The following SMAD3 variants were observed in gnomAD, a reference collection of about 807,000 sequenced individuals.
SMAD3 encodes the protein SMAD family member 3.
SMAD3 carries 12 observed loss-of-function variants against 51.8 expected under a neutral mutation model. The ratio of observed to expected loss-of-function variants is 0.23; its 90% CI spans 0.15 to 0.38. The LOEUF is 0.38. SMAD3 is among the 10% of genes least tolerant of loss of function. The pLI is 1.00. For missense variants in SMAD3, 294 were observed against 565.6 expected, an observed-to-expected ratio of 0.52 and a Z score of 4.87; for synonymous variants, 238 against 227.7, an observed-to-expected ratio of 1.05 and a Z score of -0.41.
rs750756638 is a variant in SMAD3 at position 67,184,789 on chromosome 15, G to A, written c.934G>A (p.Ala312Thr). The A allele has an allele frequency of 6.2e-7, 1 of 1,613,922 alleles. No individual in the cohort carries two copies. Among genetic ancestry groups the A allele is most frequent in the African/African-American group, 1.3e-5 (1 of 75,044 alleles). The change falls in exon 7 of 9, where the codon GCT becomes ACT. Residue 312 changes from alanine to threonine, a missense_variant. By Grantham distance (58) the Ala-to-Thr change is moderately conservative. Coordinates refer to ENST00000327367, the MANE Select transcript of SMAD3 (RefSeq NM_005902.4). Reference sequence around the variant, plus strand: ...CTTCGCAGAGTGCCTCAGTGACAGCGCTATTTTTGTCCAGTCTCCCAACTG... The same window carrying A: ...CTTCGCAGAGTGCCTCAGTGACAGCACTATTTTTGTCCAGTCTCCCAACTG... ...EVFAECLSDS[A>T]IFVQSPNCNQ...
intron 1 of SMAD3, among the ~76,000 whole-genome samples, chr15:67,086,799 T>C (rs1226324576): frequency 6.6e-6 from 1 of 151,914 alleles, no homozygotes; most frequent in Non-Finnish European, 1.5e-5. Context: ...AGACAGAGCA[T>C]GGAGAGTGGA....
In SMAD3 at chr15:67,113,166, C is replaced by T. The variant is rs1388825782; in HGVS notation, c.206+46806C>T. Among the ~76,000 whole-genome samples the T allele has an allele frequency of 3.2e-5, 4 of 124,222 alleles. 1 individual carries two copies. Among genetic ancestry groups the T allele is most frequent in the African/African-American group, 1.3e-4 (4 of 31,244 alleles). 81.5% of individuals were successfully genotyped at this position (124,222 alleles called of 152,430 possible). A position where few individuals can be genotyped will look rare whatever the true frequency, so the allele number is the denominator to read the frequency against. ...TAGTGCGATCTTGGCTCACTGCAAACTCTGCCTCCCGGGTTCACGTCATTC... is the reference window on the plus strand; with the variant it reads ...TAGTGCGATCTTGGCTCACTGCAAATTCTGCCTCCCGGGTTCACGTCATTC... On this transcript the variant is annotated intron_variant, in intron 1 of 8. Transcript: ENST00000327367.
intron 1 of SMAD3, among the ~76,000 whole-genome samples, chr15:67,143,740 G>GT (rs1379141173): frequency 2.6e-5 from 4 of 151,980 alleles, no homozygotes; most frequent in Admixed American, 6.5e-5. Flanking sequence ...AGCCTAGGGA[G>GT]TTTTTTTGTT....
At chr15:67,073,197 C>G (rs1167758560) in intron 1 of SMAD3, among the ~76,000 whole-genome samples, 1 of 152,200 alleles carries the variant, frequency 6.6e-6, no homozygotes, top group Non-Finnish European at 1.5e-5. Flanking sequence ...TTCTCTTTCT[C>G]TCTGTATAAC....
In SMAD3 at chr15:67,112,658, A is replaced by C. The variant is rs900602325; in HGVS notation, c.206+46298A>C. On this transcript the variant is annotated intron_variant, in intron 1 of 8. Transcript: ENST00000327367. The stretch of plus-strand genomic sequence containing the variant: ...AAAGTTTTTAATTCTGATGAAGCTA[A>C]ATTTGTTTTACTTTCGTCACTTTTG... 3.8e-5 allele frequency among the ~76,000 whole-genome samples: 5 copies of C among 133,162 alleles called. 1 individual carries two copies. Among genetic ancestry groups the C allele is most frequent in the African/African-American group, 6.0e-5 (2 of 33,556 alleles). The allele number at this position is 133,162 out of a possible 152,430, so 87.4% of individuals were successfully genotyped here. A position where few individuals can be genotyped will look rare whatever the true frequency, so the allele number is the denominator to read the frequency against.
intron 5 of SMAD3, 52 bp from the exon 6 acceptor site, chr15:67,181,189 A>G (rs1183275237): frequency 2.2e-6 from 3 of 1,383,112 alleles, no homozygotes; most frequent in Non-Finnish European, 2.0e-6. Context: ...CCATCGAGGG[A>G]GCATGGGGCT....
chr15:67,096,589 A>C (rs948205679), intron 1 of SMAD3, among the ~76,000 whole-genome samples: 2 of 152,194 alleles, frequency 1.3e-5, no homozygotes, highest in African/African-American at 4.8e-5. Context: ...ATCAAGAGAG[A>C]GACTGTGGAG....
At position 67,187,253 on chromosome 15, in the gene SMAD3, G is replaced by T. The variant is rs1424178249; in HGVS notation, c.1010-112G>T. 4.0e-6 allele frequency: 5 copies of T among 1,251,806 alleles called. No homozygotes were observed. In the Admixed American group the frequency reaches 8.4e-5, roughly 21 times the overall value. 77.5% of individuals were successfully genotyped at this position (1,251,806 alleles called of 1,614,324 possible). ...ATGCATCACACACCATGTGTCCCTG[G>T]AGCTGTATAAATGAGGCTGGTCTAG... On this transcript the variant is annotated intron_variant, in intron 7 of 8. Transcript: ENST00000327367.
intron 1 of SMAD3, among the ~76,000 whole-genome samples, chr15:67,095,983 G>A (rs573622166): frequency 4.6e-5 from 7 of 152,336 alleles, no homozygotes; most frequent in Admixed American, 2.0e-4. Context: ...CTACAATGTG[G>A]GGGAGTTGAG....
At chr15:67,142,274 C>G (rs932770483) in intron 1 of SMAD3, among the ~76,000 whole-genome samples, 3 of 145,428 alleles carry the variant, frequency 2.1e-5, no homozygotes, top group Non-Finnish European at 4.5e-5. Context: ...CCCCCGTACA[C>G]TTGGCCAGAA....
At position 67,066,117 on chromosome 15, in the gene SMAD3, C is replaced by T. The variant is rs909267391; in HGVS notation, c.-38C>T. On this transcript the variant is annotated 5_prime_UTR_variant, in exon 1 of 9. Transcript: ENST00000327367. ...GGCGTCCCGTCGAGCCCAGCCCCGCCGGGGGCGCTCCTCGCCGCCCGCGCG... is the reference window on the plus strand; with the variant it reads ...GGCGTCCCGTCGAGCCCAGCCCCGCTGGGGGCGCTCCTCGCCGCCCGCGCG... 2 of 1,522,600 alleles carry T rather than the reference C, an allele frequency of 1.3e-6. No homozygotes were observed. 94.3% of individuals were successfully genotyped at this position (1,522,600 alleles called of 1,614,324 possible).
chr15:67,150,250 C>G (rs553640535), intron 1 of SMAD3, among the ~76,000 whole-genome samples: 72 of 152,256 alleles, frequency 4.7e-4, no homozygotes, highest in African/African-American at 1.6e-3. Flanking sequence ...TCTCTCTAGC[C>G]GGTGACTCAT....
chr15:67,173,252 G>A (rs1439225468), intron 5 of SMAD3, among the ~76,000 whole-genome samples: 2 of 152,116 alleles, frequency 1.3e-5, no homozygotes, highest in African/African-American at 2.4e-5. Flanking sequence ...TTTGCAGCCT[G>A]GGGGCGGGGA....
chr15:67,079,233 C>A (rs1037756482), intron 1 of SMAD3, among the ~76,000 whole-genome samples: 2 of 152,152 alleles, frequency 1.3e-5, no homozygotes, highest in African/African-American at 4.8e-5. Context: ...CCGCGTCAGC[C>A]TCCCAAATTG....
chr15:67,178,562 G>T (rs1962967664), intron 5 of SMAD3, among the ~76,000 whole-genome samples: 1 of 152,196 alleles, frequency 6.6e-6, no homozygotes, highest in African/African-American at 2.4e-5. Flanking sequence ...ACAGAAGGAG[G>T]TCATGTCCCC....
chr15:67,141,917 G>A (rs1470678944), intron 1 of SMAD3, among the ~76,000 whole-genome samples: 1 of 152,106 alleles, frequency 6.6e-6, no homozygotes, highest in African/African-American at 2.4e-5. Context: ...GTGGTATGGG[G>A]GAATAAAGGC....
chr15:67,122,147 G>C (rs1028286170), intron 1 of SMAD3, among the ~76,000 whole-genome samples: 2 of 152,176 alleles, frequency 1.3e-5, no homozygotes, highest in Non-Finnish European at 2.9e-5. Flanking sequence ...TTGTAGATGA[G>C]GAAGCTGAGT....
intron 5 of SMAD3, 34 bp from the exon 6 acceptor site, chr15:67,181,207 C>T: frequency 6.4e-7 from 1 of 1,560,442 alleles, no homozygotes; most frequent in Non-Finnish European, 8.8e-7. Flanking sequence ...GCTTGGGACA[C>T]CCAATGACCC....
intron 4 of SMAD3, among the ~76,000 whole-genome samples, chr15:67,168,115 C>T (rs543235345): frequency 6.6e-5 from 10 of 152,278 alleles, no homozygotes; most frequent in African/African-American, 1.9e-4. Context: ...GCACCACGCC[C>T]GGCTCATTTG....
Sources: allele counts gnomAD v4.1 joint callset (sites outside exome capture counted in the v4.1 genomes callset), GRCh38; gene constraint gnomAD v4.1.1; transcripts MANE v1.5; gene names NCBI Gene and HGNC (gene_info 2026-07-23, HGNC 2026-07-21).